STAG1: variants seen among roughly 807,000 people sequenced by gnomAD.
STAG1 encodes the protein cohesin subunit SA-1.
In STAG1, 26 loss-of-function variants were observed where a neutral mutation model predicts 170.9. That is an observed-to-expected ratio of 0.15 (90% CI 0.11 to 0.21). The LOEUF is 0.21. Among genes scored for constraint, STAG1 ranks in the 10% least tolerant of loss-of-function variants. The pLI is 1.00. For missense variants in STAG1, 964 were observed against 1,509.5 expected (o/e 0.64, Z 5.99); for synonymous variants, 514 against 497.7 (o/e 1.03, Z -0.44).
chr3:136,418,024 A>C (rs1353072813), intron 20 of STAG1, 52 bp from the exon 21 acceptor site: 2 of 1,403,898 alleles, frequency 1.4e-6, no homozygotes, highest in African/African-American at 2.8e-5. Flanking sequence ...AGGAAATTTA[A>C]ATTTGAGCTC....
intron 4 of STAG1, among the ~76,000 whole-genome samples, chr3:136,588,284 C>T (rs558805641): frequency 2.1e-4 from 32 of 152,178 alleles, no homozygotes; most frequent in African/African-American, 6.7e-4. Context: ...ACCCGCCACC[C>T]GCCACTGCTA....
intron 3 of STAG1, among the ~76,000 whole-genome samples, chr3:136,608,743 G>C (rs1196200636): frequency 1.4e-5 from 2 of 146,446 alleles, no homozygotes; most frequent in East Asian, 3.9e-4. Context: ...GGTGGAGTCT[G>C]CAGTGAGCCG....
intron 1 of STAG1, among the ~76,000 whole-genome samples, chr3:136,677,355 T>G (rs776158509): frequency 6.6e-6 from 1 of 152,192 alleles, no homozygotes; most frequent in Non-Finnish European, 1.5e-5. Context: ...TAGGAATTTT[T>G]CAGCTCCATG....
chr3:136,434,232 G>GAA (rs2088391271), intron 15 of STAG1, among the ~76,000 whole-genome samples: 2 of 151,938 alleles, frequency 1.3e-5, no homozygotes, highest in Non-Finnish European at 2.9e-5. Context: ...CTCCAAAGAA[G>GAA]AAATAATGGA....
At chr3:136,687,697 T>C (rs964481912) in intron 1 of STAG1, among the ~76,000 whole-genome samples, 2 of 152,062 alleles carry the variant, frequency 1.3e-5, no homozygotes, top group African/African-American at 4.8e-5. Flanking sequence ...GGATTATACA[T>C]TGTCTTTCTA....
chr3:136,463,878 CATAT>C (rs1175360899), intron 13 of STAG1, among the ~76,000 whole-genome samples: 22 of 144,590 alleles, frequency 1.5e-4, no homozygotes, highest in Admixed American at 1.3e-3. Flanking sequence ...TACATACATA[CATAT>C]ATACTTATAT....
At chr3:136,507,655 G>A (rs1030864264) in intron 7 of STAG1, among the ~76,000 whole-genome samples, 1 of 152,058 alleles carries the variant, frequency 6.6e-6, no homozygotes, top group African/African-American at 2.4e-5. Flanking sequence ...GGGATGAACC[G>A]TAGTGCCTGG....
At position 136,679,416 on chromosome 3, in the gene STAG1, C is replaced by CA. The variant is rs1266351440; in HGVS notation, c.-83-48436dup. On this transcript the variant is annotated intron_variant, in intron 1 of 33. Coordinates refer to ENST00000383202, the MANE Select transcript of STAG1 (RefSeq NM_005862.3). Reference sequence around the variant, plus strand: ...CCAACATGGTGAAACCACATCTCTACAAAAAAAAATACAAAAATTAGCCCA... The same window carrying CA: ...CCAACATGGTGAAACCACATCTCTACAAAAAAAAAATACAAAAATTAGCCCA... Among the ~76,000 whole-genome samples the CA allele has an allele frequency of 8.5e-4, 127 of 149,226 alleles. 1 individual carries two copies. The highest frequency in any genetic ancestry group is 3.4e-3 in the Middle Eastern group (1 of 292).
intron 22 of STAG1, among the ~76,000 whole-genome samples, chr3:136,381,321 AAAG>A (rs1355389009): frequency 2.0e-5 from 3 of 152,196 alleles, no homozygotes; most frequent in African/African-American, 7.2e-5. Flanking sequence ...GATGAATGAC[AAAG>A]AAGAGCTTAT....
intron 4 of STAG1, among the ~76,000 whole-genome samples, chr3:136,571,390 G>A (rs1200051484): frequency 1.3e-5 from 2 of 152,058 alleles, no homozygotes; most frequent in African/African-American, 4.8e-5. Flanking sequence ...GCAGCATGAC[G>A]AAACCCTGTC....
intron 4 of STAG1, among the ~76,000 whole-genome samples, chr3:136,575,134 A>G (rs1330278922): frequency 6.6e-6 from 1 of 152,218 alleles, no homozygotes; most frequent in Non-Finnish European, 1.5e-5. Context: ...GAAAATTTAG[A>G]GCTTTAAATA....
intron 3 of STAG1, among the ~76,000 whole-genome samples, chr3:136,615,777 C>CAAA (rs35492234): frequency 3.1e-5 from 4 of 131,062 alleles, no homozygotes; most frequent in Admixed American, 8.0e-5. Context: ...GACTCCAAAT[C>CAAA]AAAAAAAAAA....
chr3:136,710,819 T>C (rs1014862974), intron 1 of STAG1, among the ~76,000 whole-genome samples: 7 of 152,132 alleles, frequency 4.6e-5, no homozygotes, highest in African/African-American at 1.2e-4. Flanking sequence ...GGTCATGTTA[T>C]TGTGTTTGTA....
At chr3:136,417,739 T>C (rs2087815053) in intron 21 of STAG1, 146 bp downstream of exon 21, 3 of 642,568 alleles carry the variant, frequency 4.7e-6, no homozygotes, top group Admixed American at 2.7e-5. Flanking sequence ...CAATAACATT[T>C]AATTACTACA....
chr3:136,367,816 C>G (rs1937136840), intron 24 of STAG1, among the ~76,000 whole-genome samples: 1 of 152,106 alleles, frequency 6.6e-6, no homozygotes, highest in Non-Finnish European at 1.5e-5. Flanking sequence ...CTATCAAATA[C>G]TTTCAAAACA....
chr3:136,396,655 G>C (rs1284199386), intron 22 of STAG1, among the ~76,000 whole-genome samples: 1 of 145,324 alleles, frequency 6.9e-6, no homozygotes, highest in Non-Finnish European at 1.5e-5. Context: ...AGCCTCCCAA[G>C]CAGCTGGGAC....
intron 26 of STAG1, among the ~76,000 whole-genome samples, chr3:136,359,917 T>TG (rs1290188457): frequency 1.3e-5 from 2 of 152,256 alleles, no homozygotes; most frequent in African/African-American, 4.8e-5. Context: ...TGACAATATA[T>TG]GAAATATAGG....
chr3:136,727,734 AT>A (rs1416122511), intron 1 of STAG1, among the ~76,000 whole-genome samples: 1 of 152,222 alleles, frequency 6.6e-6, no homozygotes, highest in Non-Finnish European at 1.5e-5. Context: ...TCATCACAAA[AT>A]GACCTGAGAA....
chr3:136,506,077 G>A (rs568391086), intron 7 of STAG1, among the ~76,000 whole-genome samples: 1 of 152,304 alleles, frequency 6.6e-6, no homozygotes, highest in Admixed American at 6.5e-5. Flanking sequence ...TCTAAGCAGG[G>A]TAAGATGTCC....
Sources: allele counts gnomAD v4.1 joint callset (sites outside exome capture counted in the v4.1 genomes callset), GRCh38; gene constraint gnomAD v4.1.1; transcripts MANE v1.5; gene names NCBI Gene and HGNC (gene_info 2026-07-23, HGNC 2026-07-21).